MSRB1: variants seen among roughly 807,000 people sequenced by gnomAD.
MSRB1 encodes methionine-R-sulfoxide reductase B1.
Under a neutral mutation model 15.2 loss-of-function variants are expected in MSRB1, and 13 were observed. The ratio of observed to expected loss-of-function variants is 0.86; its 90% confidence interval spans 0.56 to 1.36. The LOEUF (loss-of-function observed/expected upper bound fraction) is 1.36. Among genes scored for constraint, MSRB1 ranks in the 40% most tolerant of loss-of-function variants. The pLI is 0.00. For synonymous variants in MSRB1, 68 were observed against 64.5 expected (o/e 1.05, Z -0.26); for missense variants, 174 against 155.9 (o/e 1.12, Z -0.62).
In MSRB1 at chr16:1,941,289, G is replaced by T; in HGVS notation, c.172C>A (p.Arg58Ser). ...GCTTCAGATCTATTGTGCTCCGGAC[G>T]CTTGGCCACGCTGTCGGCGTGAATG... The part of the protein sequence containing the change: ...ETIHADSVAK[R>S]PEHNRSEALK... Residue 58 changes from arginine (R) to serine (S), a missense_variant, in exon 2 of 4, where the codon CGT (arginine) becomes AGT (serine). Transcript: ENST00000361871. The T allele has an allele frequency of 6.2e-7, 1 of 1,613,400 alleles. No individual in the cohort carries two copies. The highest frequency in any genetic ancestry group is 8.5e-7 in the Non-Finnish European group (1 of 1,179,934).
In MSRB1 at chr16:1,940,744, C is replaced by G. The variant is rs772844550; in HGVS notation, c.319+34G>C. On this transcript the variant is annotated intron_variant, in intron 3 of 3. Transcript: ENST00000361871. ...CCCCCAGCCTGGGCTCAAAGGCCAA[C>G]AGGCCTGGCCCCAGCTGTGCAAAGC... is the stretch of plus-strand genomic sequence containing the variant. 1.3e-5 allele frequency: 20 copies of G among 1,588,136 alleles called. No homozygotes were observed. The South Asian group carries it at 1.8e-4, about 14-fold the overall frequency.
At chr16:1,942,171 G>C (rs114001812) in intron 1 of MSRB1, among the ~76,000 whole-genome samples, 3 of 152,238 alleles carry the variant, frequency 2.0e-5, no homozygotes, top group Admixed American at 6.5e-5. Flanking sequence ...GGAGAAAAAA[G>C]CAAAGAGAAG....
chr16:1,941,589 G>A lies in MSRB1; in HGVS notation c.56-184C>T, dbSNP rs1160410680. On this transcript the variant is annotated intron_variant, in intron 1 of 3. Coordinates refer to ENST00000361871, the MANE Select transcript of MSRB1 (RefSeq NM_016332.4). The stretch of plus-strand genomic sequence containing the variant: ...GCTCACGTTTAGTAGATGTGCCAGA[G>A]ACCAGGGGAGTCACCTTTCACAATT... 6.9e-6 allele frequency: 5 copies of A among 724,418 alleles called. No individual in the cohort carries two copies. In the East Asian group the frequency reaches 1.4e-4, roughly 20 times the overall value. The allele number at this position is 724,418 out of a possible 1,614,324, so 44.9% of individuals were successfully genotyped here.
At position 1,940,798 on chromosome 16, in the gene MSRB1, G is replaced by T; in HGVS notation, c.299C>A (p.Ser100Ter). 1.9e-6 allele frequency: 3 copies of T among 1,613,792 alleles called. No homozygotes were observed. The highest frequency in any genetic ancestry group is 1.7e-6 in the Non-Finnish European group (2 of 1,179,772). ...CTCACCTTTAGGGACAAACTTCAGC[G>T]AGCTGCTGAATATTCAGAATCGGGA... is the stretch of plus-strand genomic sequence containing the variant. ...GQSRFUIFSS[S>*]LKFVPKGKET... Residue 100 changes from serine to a stop codon, truncating the protein, a stop_gained, in exon 3 of 4, where the codon TCG becomes TAG. Transcript: ENST00000361871. LOFTEE classifies it high-confidence loss of function.
chr16:1,943,190 C>T lies in MSRB1; in HGVS notation c.-34G>A, dbSNP rs1459187469. 1.7e-5 allele frequency: 26 copies of T among 1,550,658 alleles called. No individual in the cohort carries two copies. The highest frequency in any genetic ancestry group is 2.3e-5 in the Non-Finnish European group (26 of 1,147,318). ...CGGAACCGCAGCGCGCTTGCCGCTGCCAACTGACCAAAGGCTGCCGACCCG... is the reference window on the plus strand; with the variant it reads ...CGGAACCGCAGCGCGCTTGCCGCTGTCAACTGACCAAAGGCTGCCGACCCG... On this transcript the variant is annotated 5_prime_UTR_variant, in exon 1 of 4. Coordinates refer to ENST00000361871, the MANE Select transcript of MSRB1 (RefSeq NM_016332.4).
chr16:1,940,941 C>G, intron 2 of MSRB1, 49 bp from the exon 3 acceptor site: 1 of 1,612,500 alleles, frequency 6.2e-7, no homozygotes, highest in Non-Finnish European at 8.5e-7. Flanking sequence ...ATGATACAGC[C>G]ACAGTGAAGG....
chr16:1,939,033 A>C lies in MSRB1; in HGVS notation c.*79T>G. 3 of 1,559,454 alleles carry C rather than the reference A, an allele frequency of 1.9e-6. No individual in the cohort carries two copies. The Middle Eastern group carries it at 5.0e-4, about 261-fold the overall frequency. On this transcript the variant is annotated 3_prime_UTR_variant, in exon 4 of 4. Coordinates refer to ENST00000361871, the MANE Select transcript of MSRB1 (RefSeq NM_016332.4). ...GCCCTGCCTTCCTGTCTCGACGCCC[A>C]GGGTTCCAACTCCAAGGTGGAATGG...
chr16:1,941,167 G>A, intron 2 of MSRB1, 90 bp downstream of exon 2: 1 of 1,574,826 alleles, frequency 6.3e-7, no homozygotes, highest in East Asian at 2.3e-5. Context: ...AGCCCCTGGA[G>A]CTGTGGGGCA....
rs1167739290 is a variant in MSRB1 at position 1,938,749 on chromosome 16, C to G, written c.*363G>C. The G allele has an allele frequency of 3.1e-6, 1 of 322,274 alleles. No homozygotes were observed. The highest frequency in any genetic ancestry group is 2.3e-5 in the African/African-American group (1 of 44,336). The allele number at this position is 322,274 out of a possible 1,614,324, so 20.0% of individuals were successfully genotyped here. The stretch of plus-strand genomic sequence containing the variant: ...GAGTCTGTCTTGGAATTGGGCCTCA[C>G]AGGGGAGAGTCCAGAGACAGGGCCA... On this transcript the variant is annotated 3_prime_UTR_variant, in exon 4 of 4. Coordinates refer to ENST00000361871, the MANE Select transcript of MSRB1 (RefSeq NM_016332.4).
chr16:1,939,692 G>T (rs879309106), intron 3 of MSRB1, among the ~76,000 whole-genome samples: 49 of 152,128 alleles, frequency 3.2e-4, no homozygotes, highest in Non-Finnish European at 2.2e-4. Flanking sequence ...GGTAGCTCAC[G>T]CCTATAATCC....
In MSRB1 at chr16:1,940,868, C is replaced by A; in HGVS notation, c.229G>T (p.Gly77Trp). 4 of 1,614,174 alleles carry A rather than the reference C, an allele frequency of 2.5e-6. No individual in the cohort carries two copies. The highest frequency in any genetic ancestry group is 3.4e-6 in the Non-Finnish European group (4 of 1,180,046). Reference sequence around the variant, plus strand: ...TCGTTCAGGAACTCGTGGCCCAACCCATTGCCACACTTGCCACAGGACACC... The same window carrying A: ...TCGTTCAGGAACTCGTGGCCCAACCAATTGCCACACTTGCCACAGGACACC... ...LKVSCGKCGNGLGHEFLNDGP... is the reference protein window; with the variant it reads ...LKVSCGKCGNWLGHEFLNDGP... Residue 77 changes from glycine (G) to tryptophan (W), a missense_variant, in exon 3 of 4, where the codon GGG becomes TGG. Physicochemically the swap from Gly to Trp is radical, Grantham distance 184 (BLOSUM62 -2). Transcript: ENST00000361871.
chr16:1,938,923 C>T lies in MSRB1; in HGVS notation c.*189G>A. ...TGTCCCAGCAGAAGGCATGAACCATCAGCAAATGAGTCTCTTTTCCAAGAA... is the reference window on the plus strand; with the variant it reads ...TGTCCCAGCAGAAGGCATGAACCATTAGCAAATGAGTCTCTTTTCCAAGAA... On this transcript the variant is annotated 3_prime_UTR_variant, in exon 4 of 4. Transcript: ENST00000361871. 3 of 788,360 alleles carry T rather than the reference C, an allele frequency of 3.8e-6. No homozygotes were observed. Among genetic ancestry groups the T allele is most frequent in the East Asian group, 5.4e-5 (2 of 36,900 alleles). The allele number at this position is 788,360 out of a possible 1,614,324, so 48.8% of individuals were successfully genotyped here.
At chr16:1,940,704 G>C in intron 3 of MSRB1, 74 bp downstream of exon 3, 1 of 1,516,276 alleles carries the variant, frequency 6.6e-7, no homozygotes, top group Non-Finnish European at 8.9e-7. Flanking sequence ...AAGTGGACAA[G>C]CACAAACACT....
chr16:1,940,610 G>T (rs1043280835), intron 3 of MSRB1, among the ~76,000 whole-genome samples, 168 bp downstream of exon 3: 1 of 152,252 alleles, frequency 6.6e-6, no homozygotes, highest in Non-Finnish European at 1.5e-5. Flanking sequence ...CAGCTCCTTT[G>T]CCCCTGCGCT....
chr16:1,939,853 C>G (rs1215624278), intron 3 of MSRB1, among the ~76,000 whole-genome samples: 1 of 150,874 alleles, frequency 6.6e-6, no homozygotes, highest in Non-Finnish European at 1.5e-5. Context: ...ACTCGGGAGG[C>G]TGAGGCAGAA....
rs369957509 is a variant in MSRB1 at position 1,941,285 on chromosome 16, G to A, written c.176C>T (p.Pro59Leu). Residue 59 changes from proline to leucine, a missense_variant, in exon 2 of 4, where the codon CCG becomes CTG. Physicochemically the swap from Pro to Leu is moderately conservative, Grantham distance 98. Transcript: ENST00000361871. ...TIHADSVAKR[P>L]EHNRSEALKV... Reference sequence around the variant, plus strand: ...CAAGGCTTCAGATCTATTGTGCTCCGGACGCTTGGCCACGCTGTCGGCGTG... The same window carrying A: ...CAAGGCTTCAGATCTATTGTGCTCCAGACGCTTGGCCACGCTGTCGGCGTG... 17 of 1,611,866 alleles carry A rather than the reference G, an allele frequency of 1.1e-5. No individual in the cohort carries two copies. Among genetic ancestry groups the A allele is most frequent in the South Asian group, 4.4e-5 (4 of 90,990 alleles).
chr16:1,941,541 C>T (rs577392604), intron 1 of MSRB1, 136 bp from the exon 2 acceptor site: 13 of 1,259,276 alleles, frequency 1.0e-5, no homozygotes, highest in African/African-American at 1.5e-5. Context: ...CCCAGGCACC[C>T]GCCACGGGAG....
In MSRB1 at chr16:1,940,806, G is replaced by A. The variant is rs2083071479; in HGVS notation, c.291C>T (p.Phe97=). The A allele has an allele frequency of 2.5e-6, 4 of 1,613,936 alleles. No homozygotes were observed. In the Admixed American group the frequency reaches 5.0e-5, roughly 20 times the overall value. Residue 97 remains phenylalanine (F), a synonymous_variant, in exon 3 of 4, where the codon TTC becomes TTT. Coordinates refer to ENST00000361871, the MANE Select transcript of MSRB1 (RefSeq NM_016332.4). ...PKPGQSRFUI[F]SSSLKFVPKG... ...TAGGGACAAACTTCAGCGAGCTGCTGAATATTCAGAATCGGGACTGCCCCG... is the reference window on the plus strand; with the variant it reads ...TAGGGACAAACTTCAGCGAGCTGCTAAATATTCAGAATCGGGACTGCCCCG...
chr16:1,940,408 A>C (rs1320141472), intron 3 of MSRB1, among the ~76,000 whole-genome samples: 8 of 152,244 alleles, frequency 5.3e-5, no homozygotes, highest in Non-Finnish European at 1.0e-4. Context: ...CTGAGCGGCT[A>C]AGAAGCAAGG....
Sources: gnomAD v4.1 joint callset for allele counts (sites outside exome capture counted in the v4.1 genomes callset) on GRCh38, gnomAD v4.1.1 for gene constraint, MANE v1.5 for transcripts, NCBI Gene and HGNC (gene_info 2026-07-23, HGNC 2026-07-21) for gene names.